Variants in PKIB observed in about 807,000 individuals in gnomAD.
PKIB encodes the protein PKI-beta.
PKIB carries 2 observed loss-of-function variants against 4.5 expected under a neutral mutation model. The ratio of observed to expected loss-of-function variants is 0.44; its 90% CI spans 0.18 to 1.39. The LOEUF (loss-of-function observed/expected upper bound fraction) is 1.39, where lower values mean the gene tolerates loss of function less well. Among genes scored for constraint, PKIB ranks in the 40% most tolerant of loss-of-function variants. The probability of loss-of-function intolerance (pLI) is 0.27; values close to 1 mark genes in which losing one functional copy is unlikely to be tolerated. For synonymous variants in PKIB, 38 were observed against 36.0 expected (o/e 1.06, Z -0.20); for missense variants, 94 against 92.6 (o/e 1.02, Z -0.06).
chr6:122,646,173 G>T (rs1196773851), intron 2 of PKIB, among the ~76,000 whole-genome samples: 1 of 152,128 alleles, frequency 6.6e-6, no homozygotes, highest in South Asian at 2.1e-4. Flanking sequence ...GTAGATCTTT[G>T]TTTTTGACTG....
At chr6:122,660,069 C>T (rs528555669) in intron 2 of PKIB, among the ~76,000 whole-genome samples, 1 of 152,240 alleles carries the variant, frequency 6.6e-6, no homozygotes, top group African/African-American at 2.4e-5. Context: ...AAATGTCAAA[C>T]AAATTTCTGG....
At chr6:122,654,884 T>C (rs907232810) in intron 2 of PKIB, among the ~76,000 whole-genome samples, 1 of 152,218 alleles carries the variant, frequency 6.6e-6, no homozygotes, top group Non-Finnish European at 1.5e-5. Context: ...CACTTTTTGG[T>C]TCATTCTCCT....
chr6:122,616,847 C>G (rs1474051642), intron 1 of PKIB, among the ~76,000 whole-genome samples: 3 of 152,104 alleles, frequency 2.0e-5, no homozygotes, highest in Non-Finnish European at 4.4e-5. Flanking sequence ...CACATTTTCA[C>G]TAATTTCGTT....
intron 3 of PKIB, among the ~76,000 whole-genome samples, chr6:122,592,244 A>G (rs1477846147): frequency 2.0e-5 from 3 of 152,122 alleles, no homozygotes; most frequent in Non-Finnish European, 4.4e-5. Flanking sequence ...AGGATAAATA[A>G]TGAATTCTAA....
At chr6:122,519,398 A>G (rs184430942) in intron 2 of PKIB, among the ~76,000 whole-genome samples, 1 of 152,282 alleles carries the variant, frequency 6.6e-6, no homozygotes, top group East Asian at 1.9e-4. Context: ...AATAATATAA[A>G]TAAAGTGCAC....
chr6:122,524,672 C>A (rs1777045850), intron 2 of PKIB, among the ~76,000 whole-genome samples: 2 of 151,922 alleles, frequency 1.3e-5, no homozygotes, highest in African/African-American at 4.8e-5. Context: ...TTGGCCTGTT[C>A]AGATTTTCTA....
At chr6:122,607,161 A>G (rs1774565761), upstream of PKIB, among the ~76,000 whole-genome samples, 2 of 151,986 alleles carry the variant, frequency 1.3e-5, no homozygotes, top group Non-Finnish European at 2.9e-5. Flanking sequence ...AGCATTAAAC[A>G]TTGCACAGGG....
intron 4 of PKIB, among the ~76,000 whole-genome samples, chr6:122,721,356 G>A (rs2115088908): frequency 6.6e-6 from 1 of 152,288 alleles, no homozygotes; most frequent in South Asian, 2.1e-4. Flanking sequence ...AAAGGGTGCT[G>A]TAGTCAAATG....
At chr6:122,564,127 G>T (rs1446133787) in intron 2 of PKIB, among the ~76,000 whole-genome samples, 1 of 152,174 alleles carries the variant, frequency 6.6e-6, no homozygotes, top group Non-Finnish European at 1.5e-5. Context: ...GTGGATATGT[G>T]TGTTCGGGAG....
Position 122,538,828 on chromosome 6 carries a change from A to G in PKIB, c.-247-47093A>G, listed in dbSNP as rs536284713. 3.9e-5 allele frequency among the ~76,000 whole-genome samples: 6 copies of G among 152,244 alleles called. No homozygotes were observed. The South Asian group carries it at 1.2e-3, about 32-fold the overall frequency. ...ACCCATGAGCATGGAATCTTCTTCC[A>G]TTTGTTTGTATCCTCTTTTATTTCA... is the stretch of plus-strand genomic sequence containing the variant. On this transcript the variant is annotated intron_variant, in intron 2 of 6. Coordinates refer to the PKIB transcript ENST00000392491.
intron 1 of PKIB, among the ~76,000 whole-genome samples, chr6:122,618,085 A>G (rs914116175): frequency 2.6e-5 from 4 of 152,182 alleles, no homozygotes; most frequent in Non-Finnish European, 5.9e-5. Context: ...TCATAAGGAT[A>G]GGAAACACTT....
At chr6:122,666,961 T>TTG (rs137884037) in intron 2 of PKIB, among the ~76,000 whole-genome samples, 171 of 151,640 alleles carry the variant, frequency 1.1e-3, no homozygotes, top group Non-Finnish European at 1.9e-3. Flanking sequence ...TTTTTTTTTT[T>TTG]ATGGCTTTTG....
intron 2 of PKIB, among the ~76,000 whole-genome samples, chr6:122,552,437 C>T (rs1025437950): frequency 3.3e-5 from 5 of 152,092 alleles, no homozygotes; most frequent in Non-Finnish European, 5.9e-5. Context: ...AGTGCAGTGG[C>T]TCGATCTTGG....
intron 2 of PKIB, among the ~76,000 whole-genome samples, chr6:122,656,565 G>A (rs1458594243): frequency 6.6e-6 from 1 of 152,146 alleles, no homozygotes; most frequent in African/African-American, 2.4e-5. Flanking sequence ...ATATCTGGCT[G>A]TCACTGCCCC....
intron 3 of PKIB, among the ~76,000 whole-genome samples, chr6:122,688,689 A>G (rs1022927337): frequency 6.6e-6 from 1 of 151,680 alleles, no homozygotes; most frequent in Non-Finnish European, 1.5e-5. Flanking sequence ...GATAGATTGT[A>G]TGATAGATTG....
At chr6:122,675,234 G>T (rs1777625420) in intron 3 of PKIB, 90 bp downstream of exon 3, 1 of 152,510 alleles carries the variant, frequency 6.6e-6, no homozygotes, top group African/African-American at 2.4e-5. Context: ...ACAGGAAATG[G>T]ATATTTAGTC....
At chr6:122,686,627 G>A (rs1295637618) in intron 3 of PKIB, among the ~76,000 whole-genome samples, 1 of 151,856 alleles carries the variant, frequency 6.6e-6, no homozygotes, top group Non-Finnish European at 1.5e-5. Flanking sequence ...CTCCCAAAGA[G>A]CTGGGGCAAC....
At chr6:122,514,308 C>A (rs1443520847) in intron 2 of PKIB, among the ~76,000 whole-genome samples, 1 of 152,090 alleles carries the variant, frequency 6.6e-6, no homozygotes, top group Admixed American at 6.5e-5. Flanking sequence ...AAAACCCATG[C>A]CACAAATTTA....
intron 2 of PKIB, among the ~76,000 whole-genome samples, chr6:122,653,644 A>G (rs775366930): frequency 9.5e-4 from 65 of 68,696 alleles, no homozygotes; most frequent in Non-Finnish European, 1.7e-3. Context: ...GGATTATTTG[A>G]AAAAAAAAAA....
Sources: allele counts gnomAD v4.1 joint callset (sites outside exome capture counted in the v4.1 genomes callset), GRCh38; gene constraint gnomAD v4.1.1; transcripts MANE v1.5; gene names NCBI Gene and HGNC (gene_info 2026-07-23, HGNC 2026-07-21).